Variants in SPTAN1 observed in about 807,000 individuals in gnomAD.
The protein encoded by SPTAN1 is spectrin alpha chain, non-erythrocytic 1.
SPTAN1 carries 61 observed loss-of-function variants against 331.3 expected under a neutral mutation model. The ratio of observed to expected loss-of-function variants is 0.18; its 90% CI spans 0.15 to 0.23. The LOEUF is 0.23. Ranked by LOEUF, SPTAN1 falls within the 10% of genes least tolerant of loss-of-function variation. The pLI is 1.00. For missense variants in SPTAN1, 2,043 were observed against 3,147.9 expected, an observed-to-expected ratio of 0.65 and a Z score of 8.40; for synonymous variants, 1,153 against 1,173.9, an observed-to-expected ratio of 0.98 and a Z score of 0.36.
chr9:128,626,017 C>G, intron 48 of SPTAN1, 39 bp downstream of exon 48: 1 of 1,609,090 alleles, frequency 6.2e-7, no homozygotes, highest in Non-Finnish European at 8.5e-7. Context: ...TGGCCCACAG[C>G]TCAAGGAAGG....
intron 1 of SPTAN1, among the ~76,000 whole-genome samples, chr9:128,559,461 G>A (rs1564180304): frequency 1.3e-5 from 2 of 152,200 alleles, no homozygotes; most frequent in African/African-American, 2.4e-5. Context: ...AGTGACTCCT[G>A]TGATAGGAGG....
intron 56 of SPTAN1, 88 bp from the exon 57 acceptor site, chr9:128,633,121 C>T (rs565176130): frequency 4.2e-5 from 68 of 1,604,556 alleles, no homozygotes; most frequent in Non-Finnish European, 4.8e-5. Flanking sequence ...GAAGCAGCTC[C>T]GAGCCCCCAG....
intron 26 of SPTAN1, chr9:128,599,593 A>G (rs1854789069): frequency 5.6e-6 from 1 of 178,604 alleles, no homozygotes; most frequent in Non-Finnish European, 1.1e-5. Context: ...GTTATAGCCT[A>G]CTGCAGCCTC....
rs372782253 is a variant in SPTAN1 at position 128,624,375 on chromosome 9, C to T, written c.5880C>T (p.Asn1960=). 21 of 1,613,822 alleles carry T rather than the reference C, an allele frequency of 1.3e-5. No individual in the cohort carries two copies. The highest frequency in any genetic ancestry group is 3.3e-5 in the South Asian group (3 of 91,078). The change falls in exon 46 of 57, where the codon AAC becomes AAT. Residue 1960 remains asparagine (N), a synonymous_variant. Coordinates refer to ENST00000372739, the MANE Select transcript of SPTAN1 (RefSeq NM_001130438.3). ...ENISSKMKGL[N]GKVSDLEKAA... ...TCTCTTCAAAGATGAAGGGCCTGAA[C>T]GGGAAAGTGTCAGACCTGGAGAAAG...
intron 3 of SPTAN1, 140 bp from the exon 4 acceptor site, chr9:128,574,535 C>A: frequency 9.7e-7 from 1 of 1,029,000 alleles, no homozygotes; most frequent in Non-Finnish European, 1.4e-6. Flanking sequence ...TTACTATTTC[C>A]TCTCAGTTTA....
rs1295497485 is a variant in SPTAN1 at position 128,597,765 on chromosome 9, C to G, written c.3415-635C>G. On this transcript the variant is annotated intron_variant, in intron 24 of 56. Coordinates refer to ENST00000372739, the MANE Select transcript of SPTAN1 (RefSeq NM_001130438.3). ...ACCCCGGTTCAAGCGATTCTCCTGCCTCAACCTCCCGAACAGCTGGGATTA... is the reference window on the plus strand; with the variant it reads ...ACCCCGGTTCAAGCGATTCTCCTGCGTCAACCTCCCGAACAGCTGGGATTA... Among the ~76,000 whole-genome samples the G allele has an allele frequency of 3.3e-5, 5 of 152,206 alleles. 1 individual carries two copies. The highest frequency in any genetic ancestry group is 2.0e-4 in the Admixed American group (3 of 15,280).
rs935890947 is a variant in SPTAN1 at position 128,603,459 on chromosome 9, G to T, written c.3580-84G>T. On this transcript the variant is annotated intron_variant, in intron 27 of 56. Coordinates refer to ENST00000372739, the MANE Select transcript of SPTAN1 (RefSeq NM_001130438.3). ...TAAGGTAATTTGGGTTAATCACAGGGACCTAATCAATGACACTTGCAGCTC... is the reference window on the plus strand; with the variant it reads ...TAAGGTAATTTGGGTTAATCACAGGTACCTAATCAATGACACTTGCAGCTC... 2.0e-6 allele frequency: 3 copies of T among 1,483,174 alleles called. No individual in the cohort carries two copies. The Admixed American group carries it at 5.0e-5, about 25-fold the overall frequency. The allele number at this position is 1,483,174 out of a possible 1,614,324, so 91.9% of individuals were successfully genotyped here. A position where few individuals can be genotyped will look rare whatever the true frequency, so the allele number is the denominator to read the frequency against.
At chr9:128,597,489 A>C (rs1854465845) in intron 24 of SPTAN1, among the ~76,000 whole-genome samples, 1 of 152,008 alleles carries the variant, frequency 6.6e-6, no homozygotes, top group Non-Finnish European at 1.5e-5. Context: ...GTAATACTCC[A>C]CTCCAGCGTG....
At chr9:128,620,347 T>A (rs978205353) in intron 44 of SPTAN1, among the ~76,000 whole-genome samples, 8 of 152,174 alleles carry the variant, frequency 5.3e-5, no homozygotes, top group Non-Finnish European at 1.0e-4. Context: ...GGTCAGTCAT[T>A]TCCCATCCTC....
chr9:128,617,682 C>G lies in SPTAN1; in HGVS notation c.5400C>G (p.Asp1800Glu), dbSNP rs779973472. ...LLVGSEDYGRDLTGVQNLRKK... is the reference protein window; with the variant it reads ...LLVGSEDYGRELTGVQNLRKK... Reference sequence around the variant, plus strand: ...TGGGCTCAGAGGACTACGGCCGGGACCTAACCGGCGTGCAGAACCTGAGGA... The same window carrying G: ...TGGGCTCAGAGGACTACGGCCGGGAGCTAACCGGCGTGCAGAACCTGAGGA... The change falls in exon 42 of 57, where the codon GAC becomes GAG. Residue 1800 changes from aspartate to glutamate, a missense_variant. Coordinates refer to ENST00000372739, the MANE Select transcript of SPTAN1 (RefSeq NM_001130438.3). The G allele has an allele frequency of 6.2e-7, 1 of 1,614,108 alleles. No homozygotes were observed. The highest frequency in any genetic ancestry group is 8.5e-7 in the Non-Finnish European group (1 of 1,179,994).
chr9:128,560,416 T>C lies in SPTAN1; in HGVS notation c.-3-6322T>C, dbSNP rs1849177681. On this transcript the variant is annotated intron_variant, in intron 1 of 56. Transcript: ENST00000372739. ...TTTTTTTTGACACGGAGTCTAGCTC[T>C]GTCACCCAGGCTGGAGTGCAGGGGC... 2.0e-5 allele frequency among the ~76,000 whole-genome samples: 3 copies of C among 149,796 alleles called. No individual in the cohort carries two copies. In the South Asian group the frequency reaches 6.3e-4, roughly 32 times the overall value.
intron 1 of SPTAN1, among the ~76,000 whole-genome samples, chr9:128,557,383 A>G (rs1848755043): frequency 6.6e-6 from 1 of 152,044 alleles, no homozygotes; most frequent in African/African-American, 2.4e-5. Context: ...AACTGACTGC[A>G]CTCACTGCAG....
At position 128,564,580 on chromosome 9, in the gene SPTAN1, C is replaced by CAAATAAAT. The variant is rs10669172; in HGVS notation, c.-3-2146_-3-2139dup. On this transcript the variant is annotated intron_variant, in intron 1 of 56. Transcript: ENST00000372739. ...GCAAAATAAGGTCCTGTCTCAAAAA[C>CAAATAAAT]AAATAAATAAATAAATAAAAATCTG... 4.6e-3 allele frequency among the ~76,000 whole-genome samples: 692 copies of CAAATAAAT among 151,020 alleles called. 2 individuals are homozygous for CAAATAAAT. The highest frequency in any genetic ancestry group is 7.2e-3 in the Non-Finnish European group (486 of 67,826).
At chr9:128,606,132 G>A (rs2131586870) in intron 31 of SPTAN1, among the ~76,000 whole-genome samples, 1 of 152,058 alleles carries the variant, frequency 6.6e-6, no homozygotes, top group Non-Finnish European at 1.5e-5. Flanking sequence ...AGCACTTTGG[G>A]AAGTCAAAGC....
chr9:128,627,687 A>C lies in SPTAN1; in HGVS notation c.6689+189A>C. 1 of 778,706 alleles carries C rather than the reference A, an allele frequency of 1.3e-6. No individual in the cohort carries two copies. The highest frequency in any genetic ancestry group is 1.8e-5 in the Admixed American group (1 of 54,596). The allele number at this position is 778,706 out of a possible 1,614,324, so 48.2% of individuals were successfully genotyped here. A position where few individuals can be genotyped will look rare whatever the true frequency, so the allele number is the denominator to read the frequency against. ...GGGGGCATAGGTGGAGCAGCCTCTC[A>C]GTGCTGCATGTCCCAGACATCAAGT... On this transcript the variant is annotated intron_variant, in intron 50 of 56. Coordinates refer to ENST00000372739, the MANE Select transcript of SPTAN1 (RefSeq NM_001130438.3). The surrounding 1 kb of genome is among the most constrained non-coding windows in gnomAD (Gnocchi z 4.9).
chr9:128,604,895 G>A, intron 29 of SPTAN1, 139 bp from the exon 30 acceptor site: 1 of 916,184 alleles, frequency 1.1e-6, no homozygotes, highest in Non-Finnish European at 1.6e-6. Context: ...ATTGTGCATT[G>A]TGCTCCAGCC....
chr9:128,604,145 G>A (rs1246995848), intron 28 of SPTAN1, among the ~76,000 whole-genome samples, 181 bp from the exon 29 acceptor site: 1 of 152,252 alleles, frequency 6.6e-6, no homozygotes, highest in African/African-American at 2.4e-5. Context: ...GTCAAGCACA[G>A]CTAGTTTTGG....
chr9:128,599,935 A>G (rs1338874434), intron 26 of SPTAN1, 145 bp from the exon 27 acceptor site: 5 of 843,716 alleles, frequency 5.9e-6, no homozygotes, highest in Non-Finnish European at 1.0e-5. Flanking sequence ...TACCAGCCAA[A>G]CTATGGAGGG....
At position 128,627,198 on chromosome 9, in the gene SPTAN1, C is replaced by G. The variant is rs965098375; in HGVS notation, c.6577-188C>G. On this transcript the variant is annotated intron_variant, in intron 49 of 56. Transcript: ENST00000372739. This position sits in a 1 kb window ranked among gnomAD's most constrained non-coding sequence, Gnocchi z 4.9. ...CAGGTCCGCCTCTTCCTTGAAGCCCCTGGGGGGTGGGAACAGAGAAAGAAC... is the reference window on the plus strand; with the variant it reads ...CAGGTCCGCCTCTTCCTTGAAGCCCGTGGGGGGTGGGAACAGAGAAAGAAC... 19 of 654,172 alleles carry G rather than the reference C, an allele frequency of 2.9e-5. No homozygotes were observed. Among genetic ancestry groups the G allele is most frequent in the Non-Finnish European group, 5.0e-5 (18 of 361,000 alleles). 40.5% of individuals were successfully genotyped at this position (654,172 alleles called of 1,614,324 possible). A position where few individuals can be genotyped will look rare whatever the true frequency, so the allele number is the denominator to read the frequency against.
Sources: allele counts gnomAD v4.1 joint callset (sites outside exome capture counted in the v4.1 genomes callset), GRCh38; gene constraint gnomAD v4.1.1; non-coding constraint Gnocchi (gnomAD v3.1); transcripts MANE v1.5; gene names NCBI Gene and HGNC (gene_info 2026-07-23, HGNC 2026-07-21).